Variants in QTMAN observed in about 807,000 individuals in gnomAD.
The protein encoded by QTMAN is queuosine-tRNA mannosyltransferase.
the QTMAN span, among the ~76,000 whole-genome samples, chr2:144,243,922 G>A: frequency 6.6e-6 from 1 of 152,092 alleles, no homozygotes; most frequent in African/African-American, 2.4e-5. Flanking sequence ...ACATGCACTT[G>A]GATCTATAAG....
the QTMAN span, among the ~76,000 whole-genome samples, chr2:143,990,497 C>T: frequency 1.3e-5 from 2 of 152,048 alleles, no homozygotes; most frequent in African/African-American, 4.8e-5. Flanking sequence ...AAGACTGGAA[C>T]CAGGAGAATG....
chr2:143,973,834 T>C, the QTMAN span, among the ~76,000 whole-genome samples: 1 of 151,826 alleles, frequency 6.6e-6, no homozygotes, highest in African/African-American at 2.4e-5. Context: ...TATTCAATTA[T>C]TAAAGATGTA....
chr2:144,187,189 A>C, the QTMAN span, among the ~76,000 whole-genome samples: 151 of 152,272 alleles, frequency 9.9e-4, no homozygotes, highest in Non-Finnish European at 1.7e-3. Context: ...AATACCTGAG[A>C]CTGAATAATT....
the QTMAN span, among the ~76,000 whole-genome samples, chr2:144,048,004 T>C: frequency 6.6e-6 from 1 of 152,254 alleles, no homozygotes; most frequent in African/African-American, 2.4e-5. Context: ...AATAGGCTAG[T>C]GTTCCAAACC....
chr2:144,162,990 TATA>T, the QTMAN span, among the ~76,000 whole-genome samples: 1 of 152,142 alleles, frequency 6.6e-6, no homozygotes, highest in African/African-American at 2.4e-5. Flanking sequence ...GTTTCTGAAT[TATA>T]ATATGTGTAC....
At chr2:144,020,621 C>T in the QTMAN span, among the ~76,000 whole-genome samples, 1 of 152,154 alleles carries the variant, frequency 6.6e-6, no homozygotes, top group South Asian at 2.1e-4. Flanking sequence ...GCCATGGGGT[C>T]AGACCCCCAC....
At chr2:143,952,532 A>T in the QTMAN span, among the ~76,000 whole-genome samples, 1 of 151,486 alleles carries the variant, frequency 6.6e-6, no homozygotes, top group African/African-American at 2.4e-5. Context: ...TCATTATGGG[A>T]TGTGTATGCT....
chr2:143,973,624 A>G, the QTMAN span, among the ~76,000 whole-genome samples: 7 of 151,980 alleles, frequency 4.6e-5, no homozygotes, highest in African/African-American at 1.5e-4. Flanking sequence ...CCCCGTCTCT[A>G]CTAAAAATAT....
the QTMAN span, among the ~76,000 whole-genome samples, chr2:144,128,479 ATTTCTGAATAC>A: frequency 6.6e-6 from 1 of 152,084 alleles, no homozygotes; most frequent in African/African-American, 2.4e-5. Context: ...CTTCTAAGAA[ATTTCTGAATAC>A]CATCTATTCC....
chr2:144,151,904 C>T, the QTMAN span, among the ~76,000 whole-genome samples: 5 of 152,136 alleles, frequency 3.3e-5, no homozygotes, highest in Non-Finnish European at 5.9e-5. Context: ...TGTTTAAATG[C>T]TATGGATATT....
chr2:144,326,272 A>G, the QTMAN span, among the ~76,000 whole-genome samples: 1 of 152,196 alleles, frequency 6.6e-6, no homozygotes, highest in African/African-American at 2.4e-5. Flanking sequence ...CATTTTTTAC[A>G]TGGATATGCC....
chr2:144,316,218 C>A, the QTMAN span, among the ~76,000 whole-genome samples: 1 of 150,432 alleles, frequency 6.6e-6, no homozygotes, highest in Non-Finnish European at 1.5e-5. Flanking sequence ...CCAGCCTGGG[C>A]AGAGTGAAAC....
chr2:144,082,791 T>C, the QTMAN span, among the ~76,000 whole-genome samples: 1 of 152,126 alleles, frequency 6.6e-6, no homozygotes. Flanking sequence ...CTGTAGACTG[T>C]GCCATCTAAC....
At chr2:144,242,131 A>G in the QTMAN span, among the ~76,000 whole-genome samples, 2 of 152,188 alleles carry the variant, frequency 1.3e-5, no homozygotes, top group African/African-American at 2.4e-5. Context: ...AAATAAAGCT[A>G]AAGTAGTTAA....
At chr2:144,188,170 G>A in the QTMAN span, among the ~76,000 whole-genome samples, 1 of 152,164 alleles carries the variant, frequency 6.6e-6, no homozygotes, top group Non-Finnish European at 1.5e-5. Context: ...AACTAATACA[G>A]ATGGTCAAAT....
chr2:144,166,131 C>T, the QTMAN span, among the ~76,000 whole-genome samples: 1 of 152,152 alleles, frequency 6.6e-6, no homozygotes, highest in Non-Finnish European at 1.5e-5. Flanking sequence ...ACAATTGGAG[C>T]TTCAAGTATA....
chr2:144,043,003 G>A, the QTMAN span, among the ~76,000 whole-genome samples: 1,591 of 152,126 alleles, frequency 0.01, 27 homozygotes, highest in African/African-American at 0.036. Context: ...AGGCTAATTT[G>A]GGTTATCAGC....
the QTMAN span, among the ~76,000 whole-genome samples, chr2:144,311,379 C>A: frequency 6.6e-6 from 1 of 152,146 alleles, no homozygotes; most frequent in South Asian, 2.1e-4. Flanking sequence ...GGTTTTGATG[C>A]TTATAACCAT....
the QTMAN span, among the ~76,000 whole-genome samples, chr2:144,151,377 TTTTG>T: frequency 6.6e-6 from 1 of 152,154 alleles, no homozygotes; most frequent in South Asian, 2.1e-4. Context: ...CTTATATTTC[TTTTG>T]TTTATGTAAT....
Sources: gnomAD v4.1 joint callset for allele counts (sites outside exome capture counted in the v4.1 genomes callset) on GRCh38, gnomAD v4.1.1 for gene constraint, MANE v1.5 for transcripts, NCBI Gene and HGNC (gene_info 2026-07-23, HGNC 2026-07-21) for gene names.